The following PUDP variants were observed in gnomAD, a reference collection of about 807,000 sequenced individuals.
PUDP encodes pseudouridine 5'-phosphatase, also known as pseudouridine-5'-phosphatase.
Under a neutral mutation model 9.4 loss-of-function variants are expected in PUDP, and 8 were observed. That is an observed-to-expected ratio of 0.85 (90% confidence interval 0.50 to 1.53). The LOEUF (loss-of-function observed/expected upper bound fraction) is 1.53, where lower values mean the gene tolerates loss of function less well. PUDP is among the 40% of genes most tolerant of loss of function. PUDP has a pLI of 0.00. For missense variants in PUDP, 188 were observed against 189.7 expected, an observed-to-expected ratio of 0.99 and a Z score of 0.05; for synonymous variants, 99 against 80.7, an observed-to-expected ratio of 1.23 and a Z score of -1.22.
intron 1 of PUDP, among the ~76,000 whole-genome samples, chrX:7,119,543 G>A (rs910181661): frequency 5.3e-5 from 6 of 112,280 alleles, no homozygotes; most frequent in South Asian, 3.7e-4. Flanking sequence ...TTGATATATC[G>A]CTTCCTGTAG....
intron 1 of PUDP, among the ~76,000 whole-genome samples, chrX:7,119,421 T>C (rs1481127915): frequency 8.9e-6 from 1 of 112,752 alleles, no homozygotes; most frequent in Admixed American, 9.4e-5. Context: ...TTCTCGTGTT[T>C]AGGAATTTAA....
chrX:7,069,230 G>A (rs907903710), intron 3 of PUDP, among the ~76,000 whole-genome samples: 5 of 111,347 alleles, frequency 4.5e-5, no homozygotes, highest in Non-Finnish European at 9.4e-5. Context: ...AGTCAGGAGC[G>A]GCAGATGCCA....
chrX:6,835,925 G>T (rs1274999780), intron 3 of PUDP, among the ~76,000 whole-genome samples: 1 of 108,415 alleles, frequency 9.2e-6, no homozygotes, highest in Non-Finnish European at 1.9e-5. Context: ...CACCATGTTG[G>T]CCTGGCTGGT....
Position 6,807,386 on chromosome X carries a change from T to C in PUDP, c.*248-100920A>G, listed in dbSNP as rs769329813. ...TTGCCAACATTTTACTCTCTTTCCC[T>C]GATAACCAAAGTACCGACCTAAATT... On this transcript the variant is annotated intron_variant and NMD_transcript_variant, in intron 3 of 3. Coordinates refer to the PUDP transcript ENST00000655425. Among the ~76,000 whole-genome samples, 9 of 112,180 alleles carry C rather than the reference T, an allele frequency of 8.0e-5. No homozygotes were observed. The East Asian group carries it at 2.5e-3, about 31-fold the overall frequency.
chrX:6,824,269 T>G (rs1001461956), intron 3 of PUDP, among the ~76,000 whole-genome samples: 6 of 111,744 alleles, frequency 5.4e-5, no homozygotes, highest in African/African-American at 2.0e-4. Context: ...AGGATGTTTT[T>G]GCTTCCTTTT....
At chrX:6,981,498 A>G (rs1929032371) in intron 1 of PUDP, among the ~76,000 whole-genome samples, 1 of 111,962 alleles carries the variant, frequency 8.9e-6, no homozygotes, top group African/African-American at 3.2e-5. Flanking sequence ...GTTAGTATAA[A>G]AAAAAATTAA....
At chrX:6,748,033 G>C (rs1925021087) in intron 3 of PUDP, among the ~76,000 whole-genome samples, 1 of 112,173 alleles carries the variant, frequency 8.9e-6, no homozygotes, top group Non-Finnish European at 1.9e-5. Flanking sequence ...TTTTGTATAA[G>C]AGCAAATTGT....
chrX:6,920,780 C>T (rs1480634324), intron 3 of PUDP, among the ~76,000 whole-genome samples: 1 of 111,823 alleles, frequency 8.9e-6, no homozygotes, highest in Non-Finnish European at 1.9e-5. Flanking sequence ...CTTGGGCACA[C>T]GTCGTCAGGA....
chrX:7,092,780 G>A (rs1326809746), intron 2 of PUDP, among the ~76,000 whole-genome samples: 3 of 111,770 alleles, frequency 2.7e-5, no homozygotes, highest in Admixed American at 1.9e-4. Context: ...TGCTTGGGGC[G>A]TATGAGAGAC....
chrX:6,887,148 TATTTA>T (rs67503668), intron 3 of PUDP, among the ~76,000 whole-genome samples: 45,297 of 103,193 alleles, frequency 0.44, 8,555 homozygotes, highest in Non-Finnish European at 0.56. Context: ...TTAATTTAAT[TATTTA>T]ATTTAATTTA....
downstream of PUDP, among the ~76,000 whole-genome samples, chrX:7,047,980 C>T (rs1267064472): frequency 1.8e-5 from 2 of 112,285 alleles, no homozygotes; most frequent in African/African-American, 3.2e-5. Context: ...TGCACAGCAG[C>T]ATCACTCCTA....
chrX:7,016,175 T>TAA (rs1214403895), intron 1 of PUDP, among the ~76,000 whole-genome samples: 1 of 104,839 alleles, frequency 9.5e-6, no homozygotes, highest in Non-Finnish European at 2.0e-5. Flanking sequence ...TGCAAAAAAT[T>TAA]AAAAAAAAAA....
intron 3 of PUDP, among the ~76,000 whole-genome samples, chrX:6,796,941 C>T: frequency 8.9e-6 from 1 of 111,780 alleles, no homozygotes; most frequent in African/African-American, 3.2e-5. Context: ...GAGTACATGC[C>T]AGATGGTATA....
At chrX:7,122,422 G>GCAT in intron 1 of PUDP, among the ~76,000 whole-genome samples, 1 of 111,575 alleles carries the variant, frequency 9.0e-6, no homozygotes, top group Non-Finnish European at 1.9e-5. Flanking sequence ...AGATGAATTG[G>GCAT]CTCTCCCTTC....
At chrX:6,706,471 A>C (rs1370985754) in intron 1 of PUDP, 1 of 111,707 alleles carries the variant, frequency 9.0e-6, no homozygotes, top group East Asian at 2.8e-4. Flanking sequence ...CAGTCCCTAA[A>C]ATAAGTAAAT....
At chrX:7,036,704 C>G (rs773151740) in intron 1 of PUDP, among the ~76,000 whole-genome samples, 16 of 111,232 alleles carry the variant, frequency 1.4e-4, no homozygotes, top group African/African-American at 3.6e-4. Context: ...CTTTTTGTGT[C>G]TCTCTCTCTG....
intron 3 of PUDP, among the ~76,000 whole-genome samples, chrX:6,953,632 G>A (rs1928585684): frequency 9.0e-6 from 1 of 110,960 alleles, no homozygotes; most frequent in African/African-American, 3.3e-5. Context: ...GAGTTCTACT[G>A]CACGGACACA....
chrX:6,914,681 C>G (rs1019609988), intron 3 of PUDP, among the ~76,000 whole-genome samples: 1 of 112,178 alleles, frequency 8.9e-6, no homozygotes, highest in Non-Finnish European at 1.9e-5. Context: ...GTTTATGTGT[C>G]TCCTACAATA....
chrX:6,968,436 G>A (rs1928819421), intron 3 of PUDP, among the ~76,000 whole-genome samples: 1 of 111,475 alleles, frequency 9.0e-6, no homozygotes, highest in Non-Finnish European at 1.9e-5. Flanking sequence ...CTTTGGCCCT[G>A]TGGGTCTGGG....
Sources: allele counts gnomAD v4.1 joint callset (sites outside exome capture counted in the v4.1 genomes callset), GRCh38; gene constraint gnomAD v4.1.1; transcripts MANE v1.5; gene names NCBI Gene and HGNC (gene_info 2026-07-23, HGNC 2026-07-21).